COL24A1: variants seen among roughly 807,000 people sequenced by gnomAD.
The protein encoded by COL24A1 is collagen type XXIV alpha 1 chain.
In COL24A1, 224 loss-of-function variants were observed where a neutral mutation model predicts 253.9. That is an observed-to-expected ratio of 0.88 (90% CI 0.79 to 0.99). The LOEUF (loss-of-function observed/expected upper bound fraction) is 0.99. COL24A1 is among the 50% of genes least tolerant of loss of function. COL24A1 has a pLI of 0.00. For synonymous variants in COL24A1, 685 were observed against 673.7 expected (o/e 1.02, Z -0.26); for missense variants, 2,131 against 2,068.5 (o/e 1.03, Z -0.59).
rs888554217 is a variant in COL24A1 at position 85,838,729 on chromosome 1, T to C, written c.3628-91A>G. The C allele has an allele frequency of 5.7e-6, 7 of 1,228,764 alleles. No individual in the cohort carries two copies. In the African/African-American group the frequency reaches 1.1e-4, roughly 19 times the overall value. The allele number at this position is 1,228,764 out of a possible 1,614,324, so 76.1% of individuals were successfully genotyped here. A position where few individuals can be genotyped will look rare whatever the true frequency, so the allele number is the denominator to read the frequency against. On this transcript the variant is annotated intron_variant, in intron 42 of 59. Transcript: ENST00000370571. ...ATAAGATTAGTGTTGTTTATTCTTT[T>C]GTCAAAAATATAAAACCAAATATAT...
At chr1:85,900,383 T>C (rs906825953) in intron 28 of COL24A1, among the ~76,000 whole-genome samples, 2 of 152,140 alleles carry the variant, frequency 1.3e-5, no homozygotes, top group African/African-American at 4.8e-5. Flanking sequence ...CTCATACCTG[T>C]AATCCAACAT....
chr1:85,895,937 C>T, intron 30 of COL24A1, 35 bp from the exon 31 acceptor site: 4 of 1,604,188 alleles, frequency 2.5e-6, no homozygotes, highest in East Asian at 2.2e-5. Flanking sequence ...GTCAAGTAGT[C>T]CCCTCCAAAA....
intron 22 of COL24A1, among the ~76,000 whole-genome samples, 167 bp from the exon 23 acceptor site, chr1:85,965,229 A>G (rs561289020): frequency 2.0e-5 from 3 of 152,138 alleles, no homozygotes; most frequent in Non-Finnish European, 4.4e-5. Flanking sequence ...TTCTACAAAT[A>G]TCCAACTGTC....
In COL24A1 at chr1:86,144,916, AAG is replaced by A. The variant is rs1411108553; in HGVS notation, c.121+1201_121+1202del. ...GTAACCGTGATAATAACAATAAATT[AAG>A]AGAGAGAGTTTTTCTCCTCTTCATG... On this transcript the variant is annotated intron_variant, in intron 2 of 59. Transcript: ENST00000370571. 2.6e-5 allele frequency among the ~76,000 whole-genome samples: 4 copies of A among 152,254 alleles called. 1 individual carries two copies. The highest frequency in any genetic ancestry group is 4.1e-4 in the South Asian group (2 of 4,824).
chr1:85,997,647 G>T (rs939008258), intron 19 of COL24A1, among the ~76,000 whole-genome samples: 1 of 151,956 alleles, frequency 6.6e-6, no homozygotes, highest in African/African-American at 2.4e-5. Flanking sequence ...GCTGGGTGCG[G>T]TGACATGCGC....
At chr1:85,967,083 G>A (rs1318354140) in intron 22 of COL24A1, among the ~76,000 whole-genome samples, 1 of 152,136 alleles carries the variant, frequency 6.6e-6, no homozygotes, top group Non-Finnish European at 1.5e-5. Flanking sequence ...TAAACAAGTG[G>A]AAGTTTTCCT....
At chr1:86,119,673 C>G (rs1706529325) in intron 3 of COL24A1, among the ~76,000 whole-genome samples, 1 of 152,148 alleles carries the variant, frequency 6.6e-6, no homozygotes, top group African/African-American at 2.4e-5. Context: ...AAATTTGACT[C>G]TGTGTACCAT....
At chr1:85,759,282 T>A (rs1167866896) in intron 55 of COL24A1, among the ~76,000 whole-genome samples, 1 of 152,140 alleles carries the variant, frequency 6.6e-6, no homozygotes, top group Non-Finnish European at 1.5e-5. Context: ...GGAAGGAGAA[T>A]TTAAAAAGTA....
intron 19 of COL24A1, among the ~76,000 whole-genome samples, chr1:86,016,428 T>G (rs1696998066): frequency 6.6e-6 from 1 of 152,260 alleles, no homozygotes; most frequent in Non-Finnish European, 1.5e-5. Flanking sequence ...CTGCTGAATC[T>G]ATGACTCTAA....
chr1:85,822,738 G>GT (rs1673785174), intron 45 of COL24A1, among the ~76,000 whole-genome samples: 1 of 152,038 alleles, frequency 6.6e-6, no homozygotes, highest in African/African-American at 2.4e-5. Context: ...GTAAAATCCA[G>GT]TTTTAGCAAC....
intron 24 of COL24A1, among the ~76,000 whole-genome samples, chr1:85,943,066 G>C (rs1259354518): frequency 6.6e-6 from 1 of 152,114 alleles, no homozygotes; most frequent in Non-Finnish European, 1.5e-5. Flanking sequence ...AATCTCTCAG[G>C]GCCTGGAGAG....
chr1:86,064,102 GA>G (rs1701309332), intron 7 of COL24A1, among the ~76,000 whole-genome samples: 1 of 152,056 alleles, frequency 6.6e-6, no homozygotes, highest in African/African-American at 2.4e-5. Flanking sequence ...TAAGTTTGCT[GA>G]AGCTTTTAAA....
chr1:85,803,047 T>C lies in COL24A1; in HGVS notation c.3951+13741A>G, dbSNP rs1382281677. 2.0e-5 allele frequency among the ~76,000 whole-genome samples: 3 copies of C among 152,344 alleles called. No individual in the cohort carries two copies. In the South Asian group the frequency reaches 6.2e-4, roughly 32 times the overall value. ...GGCCATTCATGTGCAAGTTTTTGTG[T>C]GGATATATGCTTTCATTTCTCTTGG... On this transcript the variant is annotated intron_variant, in intron 47 of 59. Coordinates refer to ENST00000370571, the MANE Select transcript of COL24A1 (RefSeq NM_152890.7).
chr1:85,733,210 A>G (rs554305500), intron 59 of COL24A1, among the ~76,000 whole-genome samples: 2 of 152,342 alleles, frequency 1.3e-5, no homozygotes, highest in African/African-American at 4.8e-5. Flanking sequence ...TTGAGATACT[A>G]AATCATGGGT....
intron 39 of COL24A1, 121 bp from the exon 40 acceptor site, chr1:85,842,514 G>T: frequency 2.9e-6 from 2 of 688,966 alleles, no homozygotes; most frequent in South Asian, 2.2e-5. Context: ...AATTTACCTA[G>T]TTTGAAATAG....
At position 85,776,955 on chromosome 1, in the gene COL24A1, A is replaced by T. The variant is rs1041719003; in HGVS notation, c.4339-1246T>A. On this transcript the variant is annotated intron_variant, in intron 52 of 59. Coordinates refer to ENST00000370571, the MANE Select transcript of COL24A1 (RefSeq NM_152890.7). ...AAAAAACTTATTTATTTATTTACTT[A>T]TTTTTTTTTTTTTGAGAAGGAGTCT... is the stretch of plus-strand genomic sequence containing the variant. 1.9e-4 allele frequency among the ~76,000 whole-genome samples: 29 copies of T among 149,700 alleles called. 2 individuals are homozygous for T. The South Asian group carries it at 2.5e-3, about 13-fold the overall frequency.
intron 11 of COL24A1, among the ~76,000 whole-genome samples, chr1:86,049,550 A>G (rs1056623336): frequency 6.6e-6 from 1 of 152,204 alleles, no homozygotes; most frequent in African/African-American, 2.4e-5. Flanking sequence ...ATACAAAGAT[A>G]AATTACTGCA....
intron 20 of COL24A1, among the ~76,000 whole-genome samples, chr1:85,987,230 CTTTCT>C (rs767296314): frequency 7.2e-5 from 11 of 151,768 alleles, no homozygotes; most frequent in South Asian, 2.1e-4. Flanking sequence ...ACACCACAGG[CTTTCT>C]TTTATTTCAA....
At chr1:86,061,494 C>G (rs1701087882) in intron 8 of COL24A1, among the ~76,000 whole-genome samples, 1 of 151,972 alleles carries the variant, frequency 6.6e-6, no homozygotes, top group South Asian at 2.1e-4. Context: ...TAAGTGAAAT[C>G]CTATTTCGAA....
Sources: gnomAD v4.1 joint callset for allele counts (sites outside exome capture counted in the v4.1 genomes callset) on GRCh38, gnomAD v4.1.1 for gene constraint, MANE v1.5 for transcripts, NCBI Gene and HGNC (gene_info 2026-07-23, HGNC 2026-07-21) for gene names.